NCOR2: variants seen among roughly 807,000 people sequenced by gnomAD.
NCOR2 encodes nuclear receptor corepressor 2.
Under a neutral mutation model 262.9 loss-of-function variants are expected in NCOR2, and 81 were observed. The ratio of observed to expected loss-of-function variants is 0.31; its 90% confidence interval spans 0.26 to 0.37. NCOR2 has a LOEUF of 0.37. Among genes scored for constraint, NCOR2 ranks in the 10% least tolerant of loss-of-function variants. The pLI, the probability that NCOR2 is intolerant of heterozygous loss-of-function variation, is 1.00. For missense variants in NCOR2, 3,385 were observed against 3,621.4 expected (o/e 0.93, Z 1.68); for synonymous variants, 1,659 against 1,559.3 (o/e 1.06, Z -1.51).
At chr12:124,339,901 A>AC in intron 37 of NCOR2, 105 bp downstream of exon 39, 14 of 186,866 alleles carry the variant, frequency 7.5e-5, no homozygotes, top group Non-Finnish European at 1.0e-4. Flanking sequence ...CTGCCCACCC[A>AC]CCCACCTCCC....
chr12:124,437,559 G>A (rs1442176131), intron 8 of NCOR2, among the ~76,000 whole-genome samples: 1 of 152,200 alleles, frequency 6.6e-6, no homozygotes, highest in Admixed American at 6.5e-5. Context: ...TGCGGCCCCT[G>A]CTGCCCGGCA....
chr12:124,430,974 A>G (rs2043879150), intron 8 of NCOR2, among the ~76,000 whole-genome samples, 187 bp from the exon 11 acceptor site: 1 of 152,012 alleles, frequency 6.6e-6, no homozygotes, highest in Admixed American at 6.5e-5. Context: ...ACATACAGTC[A>G]GATACACACA....
intron 8 of NCOR2, among the ~76,000 whole-genome samples, chr12:124,431,479 C>CA (rs2043927936): frequency 6.8e-6 from 1 of 147,504 alleles, no homozygotes; most frequent in Admixed American, 6.8e-5. Context: ...CAGAGAGACA[C>CA]ACACACACAG....
intron 44 of NCOR2, chr12:124,328,561 T>TG (rs58543684): frequency 0.081 from 12,288 of 152,200 alleles, 883 homozygotes; most frequent in African/African-American, 0.19. Flanking sequence ...CACGTGGAGG[T>TG]GGGGGCCTTT....
chr12:124,417,050 A>AGCCGGACACTCACTCCACGGAGAGCAG (rs1565923731), intron 13 of NCOR2, among the ~76,000 whole-genome samples: 3 of 55,460 alleles, frequency 5.4e-5, no homozygotes, highest in African/African-American at 1.3e-4. Context: ...CCTGAGAGCA[A>AGCCGGACACTCACTCCACGGAGAGCAG]GCCGGACACT....
At chr12:124,507,189 G>C (rs902355419) in intron 1 of NCOR2, among the ~76,000 whole-genome samples, 1 of 152,186 alleles carries the variant, frequency 6.6e-6, no homozygotes, top group African/African-American at 2.4e-5. Flanking sequence ...GGGACCAGGG[G>C]CTGGGGAGAG....
In NCOR2 at chr12:124,350,574, T is replaced by A. The variant is rs1314718872; in HGVS notation, c.3844+13A>T. 7 of 1,609,888 alleles carry A rather than the reference T, an allele frequency of 4.3e-6. No homozygotes were observed. In the East Asian group the frequency reaches 1.6e-4, roughly 36 times the overall value. ...TCCCCTGGTCCTGGGCCTCCTCTCC[T>A]CCTGCGACTCACCCTCATAGGACAA... is the stretch of plus-strand genomic sequence containing the variant. On this transcript the variant is annotated intron_variant, in intron 28 of 46. Transcript: ENST00000405201.
At chr12:124,359,523 G>A (rs937221054) in intron 22 of NCOR2, among the ~76,000 whole-genome samples, 1 of 152,220 alleles carries the variant, frequency 6.6e-6, no homozygotes, top group African/African-American at 2.4e-5. Context: ...AGATGCAGGG[G>A]AATTCTCATT....
At chr12:124,344,379 G>T (rs2036741586) in intron 32 of NCOR2, among the ~76,000 whole-genome samples, 1 of 152,226 alleles carries the variant, frequency 6.6e-6, no homozygotes, top group East Asian at 1.9e-4. Flanking sequence ...GGGCGTGGGG[G>T]AAGCTAGGTG....
At chr12:124,325,261 G>T in exon 47 of NCOR2, 1 of 506,064 alleles carries the variant, frequency 2.0e-6, no homozygotes, top group Non-Finnish European at 3.3e-6. Context: ...GCCGGCTCTG[G>T]ACGGACAGAT....
chr12:124,344,488 G>A, intron 32 of NCOR2, 109 bp downstream of exon 34: 4 of 1,047,524 alleles, frequency 3.8e-6, no homozygotes, highest in Non-Finnish European at 3.9e-6. Context: ...GTGGTGGAAA[G>A]CGGGTGGCGA....
intron 32 of NCOR2, among the ~76,000 whole-genome samples, chr12:124,344,068 G>A (rs1248121876): frequency 2.0e-5 from 3 of 152,214 alleles, no homozygotes; most frequent in Non-Finnish European, 4.4e-5. Context: ...CTGGAAGGCG[G>A]GGACATGGCA....
chr12:124,560,831 A>C (rs566857709), intron 1 of NCOR2, among the ~76,000 whole-genome samples: 66 of 152,354 alleles, frequency 4.3e-4, no homozygotes, highest in African/African-American at 1.5e-3. Flanking sequence ...CATTTAAAAA[A>C]TAAGCTTTTA....
chr12:124,386,380 G>A (rs1356438580), intron 16 of NCOR2, among the ~76,000 whole-genome samples: 2 of 152,108 alleles, frequency 1.3e-5, no homozygotes, highest in African/African-American at 2.4e-5. Context: ...CGAAAGGAAG[G>A]GACGTGGTGA....
upstream of NCOR2, among the ~76,000 whole-genome samples, chr12:124,536,582 TAA>T (rs2137195660): frequency 6.6e-6 from 1 of 152,268 alleles, no homozygotes; most frequent in South Asian, 2.1e-4. Flanking sequence ...CATCAGTCCT[TAA>T]GAGAGGGCAA....
intron 18 of NCOR2, 59 bp from the exon 21 acceptor site, chr12:124,374,522 G>A (rs1448105460): frequency 6.4e-7 from 1 of 1,553,252 alleles, no homozygotes; most frequent in South Asian, 1.1e-5. Flanking sequence ...GGGAGGGGAG[G>A]GAGGAGGCAA....
intron 1 of NCOR2, among the ~76,000 whole-genome samples, chr12:124,541,233 G>C (rs191888629): frequency 2.9e-3 from 27 of 9,218 alleles, no homozygotes; most frequent in South Asian, 6.8e-3. Context: ...GAGATGGAGG[G>C]AGATGGGGAG....
intron 1 of NCOR2, among the ~76,000 whole-genome samples, chr12:124,543,783 C>T (rs564051231): frequency 6.6e-6 from 1 of 152,304 alleles, no homozygotes; most frequent in East Asian, 1.9e-4. Flanking sequence ...CAGCCCAGGC[C>T]GGGAGGCCGC....
At chr12:124,487,923 A>G (rs1230738992) in intron 1 of NCOR2, among the ~76,000 whole-genome samples, 5 of 152,100 alleles carry the variant, frequency 3.3e-5, no homozygotes, top group African/African-American at 7.2e-5. Flanking sequence ...AACAAAAACA[A>G]GACAGGCTTC....
Sources: gnomAD v4.1 joint callset for allele counts (sites outside exome capture counted in the v4.1 genomes callset) on GRCh38, gnomAD v4.1.1 for gene constraint, MANE v1.5 for transcripts, NCBI Gene and HGNC (gene_info 2026-07-23, HGNC 2026-07-21) for gene names.